The following NUP210L variants were observed in gnomAD, a reference collection of about 807,000 sequenced individuals.
NUP210L encodes nucleoporin 210 like.
In NUP210L, 74 loss-of-function variants were observed where a neutral mutation model predicts 208.5. The observed-to-expected ratio is 0.35, with a 90% CI of 0.29 to 0.43. NUP210L has a LOEUF of 0.43. NUP210L is among the 20% of genes least tolerant of loss of function. The pLI, the probability that NUP210L is intolerant of heterozygous loss-of-function variation, is 1.00. For synonymous variants in NUP210L, 780 were observed against 816.9 expected, an observed-to-expected ratio of 0.95 and a Z score of 0.77; for missense variants, 1,843 against 2,289.4, an observed-to-expected ratio of 0.81 and a Z score of 3.98.
chr1:154,120,890 T>G (rs1341211807), intron 10 of NUP210L, among the ~76,000 whole-genome samples: 1 of 69,734 alleles, frequency 1.4e-5, no homozygotes, highest in African/African-American at 5.8e-5. Context: ...GGCGAGACTC[T>G]GTCTCAAAAA....
Position 154,023,195 on chromosome 1 carries a change from T to TG in NUP210L, c.4224dup (p.Thr1409HisfsTer6). On this transcript the variant is annotated frameshift_variant, in exon 31 of 40. Coordinates refer to ENST00000368559, the Ensembl canonical transcript of NUP210L. LOFTEE classifies it high-confidence loss of function. Reference sequence around the variant, plus strand: ...CCGATACTATTATAAAACTGAACAGTGAAGGTAAGAGACATGCCCAAGGGA... The same window carrying TG: ...CCGATACTATTATAAAACTGAACAGTGGAAGGTAAGAGACATGCCCAAGGGA... 6.2e-7 allele frequency: 1 copy of TG among 1,613,888 alleles called. No individual in the cohort carries two copies. Among genetic ancestry groups the TG allele is most frequent in the East Asian group, 2.2e-5 (1 of 44,868 alleles).
intron 25 of NUP210L, 63 bp downstream of exon 25, chr1:154,054,165 T>C: frequency 6.4e-7 from 1 of 1,556,598 alleles, no homozygotes; most frequent in Non-Finnish European, 8.8e-7. Flanking sequence ...ACTGCCTCCC[T>C]ATCTCCCACA....
At chr1:154,137,649 A>G (rs141262510) in intron 6 of NUP210L, among the ~76,000 whole-genome samples, 274 of 152,134 alleles carry the variant, frequency 1.8e-3, no homozygotes, top group African/African-American at 6.0e-3. Context: ...CAGGAGTTCA[A>G]TGTTGCAATG....
chr1:154,023,713 A>G (rs574069721), intron 30 of NUP210L, among the ~76,000 whole-genome samples: 2 of 151,878 alleles, frequency 1.3e-5, no homozygotes, highest in Non-Finnish European at 2.9e-5. Context: ...CCTGACCTCA[A>G]GTGATCTGCC....
Position 154,000,881 on chromosome 1 carries a change from CCTCA to C in NUP210L, c.5357_5360del (p.Val1786GlyfsTer3). 1 of 1,613,968 alleles carries C rather than the reference CCTCA, an allele frequency of 6.2e-7. No homozygotes were observed. Among genetic ancestry groups the C allele is most frequent in the Non-Finnish European group, 8.5e-7 (1 of 1,179,938 alleles). ...CTGCACCCAACTTATCTTTCATAGC[CCTCA>C]CTACCACTGCCTCACTTTGACTGGT... On this transcript the variant is annotated frameshift_variant, in exon 37 of 40. Coordinates refer to ENST00000368559, the Ensembl canonical transcript of NUP210L. LOFTEE classifies it high-confidence loss of function.
chr1:154,103,659 G>A (rs1206808751), intron 13 of NUP210L, among the ~76,000 whole-genome samples: 1 of 128,468 alleles, frequency 7.8e-6, no homozygotes, highest in Non-Finnish European at 1.6e-5. Flanking sequence ...GCGACAGAGC[G>A]AGACTCCGTC....
chr1:154,099,705 A>G (rs1656365439), intron 14 of NUP210L, among the ~76,000 whole-genome samples: 1 of 152,234 alleles, frequency 6.6e-6, no homozygotes, highest in African/African-American at 2.4e-5. Context: ...AGTGTACTTT[A>G]TGAACTTTTC....
intron 7 of NUP210L, among the ~76,000 whole-genome samples, chr1:154,134,806 G>C (rs919857937): frequency 2.7e-5 from 4 of 148,104 alleles, no homozygotes; most frequent in African/African-American, 9.9e-5. Context: ...TGCGATCTTG[G>C]CTCACCGCAA....
Position 154,117,896 on chromosome 1 carries a change from T to C in NUP210L, c.1465-16A>G, listed in dbSNP as rs1369492753. The C allele has an allele frequency of 1.3e-6, 2 of 1,546,962 alleles. No homozygotes were observed. Among genetic ancestry groups the C allele is most frequent in the Admixed American group, 1.9e-5 (1 of 51,352 alleles). ...CACCCTCTACCTGTGAAAACACACA[T>C]TACATTTAATTACAATCGGAAGAAA... On this transcript the variant is annotated splice_polypyrimidine_tract_variant and intron_variant, in intron 11 of 39. Coordinates refer to ENST00000368559, the Ensembl canonical transcript of NUP210L.
intron 2 of NUP210L, among the ~76,000 whole-genome samples, chr1:154,152,509 A>G (rs1659450091): frequency 7.2e-6 from 1 of 139,364 alleles, no homozygotes; most frequent in African/African-American, 2.7e-5. Flanking sequence ...GATAGGTCTC[A>G]CTCTGTTACC....
chr1:154,098,983 G>A (rs1221316079), intron 14 of NUP210L, among the ~76,000 whole-genome samples: 2 of 152,224 alleles, frequency 1.3e-5, no homozygotes, highest in Non-Finnish European at 2.9e-5. Context: ...GGCCAAGGCA[G>A]CAGGGGCCTG....
chr1:154,055,127 CTT>C (rs1234503880), intron 23 of NUP210L, among the ~76,000 whole-genome samples: 4 of 17,984 alleles, frequency 2.2e-4, no homozygotes, highest in African/African-American at 7.3e-4. Context: ...TCTTTCTTTT[CTT>C]TCTTTCTTTC....
intron 33 of NUP210L, among the ~76,000 whole-genome samples, chr1:154,013,735 A>G (rs1331970612): frequency 6.6e-6 from 1 of 152,106 alleles, no homozygotes; most frequent in African/African-American, 2.4e-5. Context: ...TACTTGTACT[A>G]TTCTGCCTTA....
chr1:154,004,854 C>CTTTT (rs34638973), intron 35 of NUP210L, among the ~76,000 whole-genome samples: 8 of 114,230 alleles, frequency 7.0e-5, no homozygotes, highest in African/African-American at 9.7e-5. Context: ...TTCTTTCTTT[C>CTTTT]TTTTTTTTTT....
At chr1:153,999,386 A>G (rs558792383) in intron 37 of NUP210L, among the ~76,000 whole-genome samples, 3 of 152,336 alleles carry the variant, frequency 2.0e-5, no homozygotes, top group African/African-American at 7.2e-5. Context: ...TAGGGTTAAC[A>G]TTGGCCCATT....
rs34861266 is a variant in NUP210L at position 154,084,038 on chromosome 1, C to CTTTTTTT, written c.2361+5376_2361+5382dup. Among the ~76,000 whole-genome samples the CTTTTTTT allele has an allele frequency of 6.8e-5, 7 of 103,606 alleles. 1 individual carries two copies. Among genetic ancestry groups the CTTTTTTT allele is most frequent in the African/African-American group, 1.1e-4 (3 of 28,028 alleles). 68.0% of individuals were successfully genotyped at this position (103,606 alleles called of 152,430 possible). Reference sequence around the variant, plus strand: ...GTTGTTTTTTCTTTCCTTTTCCTTTCTTTTTTTTTTTTTTTTTTTGAGACA... The same window carrying CTTTTTTT: ...GTTGTTTTTTCTTTCCTTTTCCTTTCTTTTTTTTTTTTTTTTTTTTTTTTTTGAGACA... On this transcript the variant is annotated intron_variant, in intron 16 of 39. Coordinates refer to ENST00000368559, the Ensembl canonical transcript of NUP210L.
At chr1:154,025,596 T>G (rs756467485) in exon 30 of NUP210L, 2 of 1,613,856 alleles carry the variant, frequency 1.2e-6, no homozygotes, top group Non-Finnish European at 1.7e-6. Flanking sequence ...TAGAAGTGAC[T>G]TCCAATACAG....
chr1:154,054,327 C>G, exon 25 of NUP210L: 1 of 1,614,214 alleles, frequency 6.2e-7, no homozygotes, highest in African/African-American at 1.3e-5. Context: ...CTTGCCCCCT[C>G]CTATTAACAA....
intron 12 of NUP210L, among the ~76,000 whole-genome samples, chr1:154,108,680 G>A (rs1249577657): frequency 5.3e-5 from 8 of 151,646 alleles, no homozygotes; most frequent in Admixed American, 3.3e-4. Flanking sequence ...ACAGAAGGAA[G>A]AGAAGACCAC....
Sources: gnomAD v4.1 joint callset for allele counts (sites outside exome capture counted in the v4.1 genomes callset) on GRCh38, gnomAD v4.1.1 for gene constraint, MANE v1.5 for transcripts, NCBI Gene and HGNC (gene_info 2026-07-23, HGNC 2026-07-21) for gene names.